Variants in EPS15 observed in about 807,000 individuals in gnomAD.
EPS15 encodes the protein epidermal growth factor receptor substrate 15.
Under a neutral mutation model 113.8 loss-of-function variants are expected in EPS15, and 72 were observed. The ratio of observed to expected loss-of-function variants is 0.63; its 90% CI spans 0.52 to 0.77. EPS15 has a LOEUF of 0.77. Ranked by LOEUF, EPS15 falls within the 30% of genes least tolerant of loss-of-function variation. The probability of loss-of-function intolerance (pLI) is 0.00; values close to 1 mark genes in which losing one functional copy is unlikely to be tolerated. For synonymous variants in EPS15, 344 were observed against 363.4 expected (o/e 0.95, Z 0.61); for missense variants, 1,048 against 1,045.8 (o/e 1.00, Z -0.03).
At chr1:51,424,702 G>C (rs368049859) in intron 12 of EPS15, among the ~76,000 whole-genome samples, 1 of 151,940 alleles carries the variant, frequency 6.6e-6, no homozygotes, top group Non-Finnish European at 1.5e-5. Context: ...TGAGGAGTTC[G>C]AGACCAGCCT....
chr1:51,476,195 T>C (rs943421026), intron 2 of EPS15, among the ~76,000 whole-genome samples: 4 of 152,236 alleles, frequency 2.6e-5, no homozygotes. Context: ...GAACCATTTT[T>C]GGTTCCATAT....
At chr1:51,387,605 A>G (rs192882137) in intron 21 of EPS15, among the ~76,000 whole-genome samples, 1 of 152,366 alleles carries the variant, frequency 6.6e-6, no homozygotes, top group East Asian at 1.9e-4. Flanking sequence ...CATAGGCTCA[A>G]AATAGAAGGA....
At chr1:51,393,570 C>T (rs6673480) in intron 21 of EPS15, among the ~76,000 whole-genome samples, 9,448 of 152,282 alleles carry the variant, frequency 0.062, 313 homozygotes, top group Non-Finnish European at 0.074. Flanking sequence ...ATTAATACAT[C>T]TGTATACTGA....
In EPS15 at chr1:51,447,123, A is replaced by C. The variant is rs1472505595; in HGVS notation, c.652-18T>G. On this transcript the variant is annotated intron_variant, in intron 9 of 24. Coordinates refer to ENST00000371733, the MANE Select transcript of EPS15 (RefSeq NM_001981.3). ...ACAACCCACTACAGGGAGGAAAAAAAACAGTATTTCTGCCAAAATGAAACA... is the reference window on the plus strand; with the variant it reads ...ACAACCCACTACAGGGAGGAAAAAACACAGTATTTCTGCCAAAATGAAACA... 1 of 1,580,400 alleles carries C rather than the reference A, an allele frequency of 6.3e-7. No homozygotes were observed. Among genetic ancestry groups the C allele is most frequent in the African/African-American group, 1.4e-5 (1 of 72,896 alleles).
At chr1:51,493,061 A>G (rs1017651912) in intron 1 of EPS15, among the ~76,000 whole-genome samples, 12 of 150,332 alleles carry the variant, frequency 8.0e-5, no homozygotes, top group African/African-American at 3.0e-4. Flanking sequence ...CCCCGTCTCT[A>G]CTAAAAATAC....
At chr1:51,449,943 C>A (rs1002210538) in intron 8 of EPS15, among the ~76,000 whole-genome samples, 1 of 151,732 alleles carries the variant, frequency 6.6e-6, no homozygotes, top group Non-Finnish European at 1.5e-5. Context: ...GTGGAAAAGG[C>A]ATAAGGGAGG....
intron 5 of EPS15, among the ~76,000 whole-genome samples, chr1:51,467,299 T>C (rs1480689312): frequency 6.6e-6 from 1 of 152,208 alleles, no homozygotes; most frequent in Non-Finnish European, 1.5e-5. Flanking sequence ...GCAAAAACTT[T>C]TGAACAGCAT....
chr1:51,467,319 T>A (rs1351227589), intron 5 of EPS15, among the ~76,000 whole-genome samples: 7 of 152,228 alleles, frequency 4.6e-5, no homozygotes, highest in African/African-American at 1.4e-4. Context: ...TTTCTACTTT[T>A]GGAAATTAAC....
At chr1:51,472,064 C>T (rs1390029402) in intron 3 of EPS15, among the ~76,000 whole-genome samples, 1 of 150,854 alleles carries the variant, frequency 6.6e-6, no homozygotes, top group Non-Finnish European at 1.5e-5. Context: ...TTATGTGTGG[C>T]CCAAGACAAT....
At chr1:51,356,932 C>T (rs1361385607) in intron 24 of EPS15, 86 bp from the exon 25 acceptor site, 12 of 1,137,308 alleles carry the variant, frequency 1.1e-5, no homozygotes, top group Middle Eastern at 4.4e-4. Flanking sequence ...TACAAAAGGA[C>T]ACCTGAAGGA....
At chr1:51,506,699 A>T (rs999622947) in intron 1 of EPS15, among the ~76,000 whole-genome samples, 6 of 151,752 alleles carry the variant, frequency 4.0e-5, no homozygotes, top group African/African-American at 1.5e-4. Context: ...TAGAGTCAAG[A>T]GAGTTAAGGT....
At chr1:51,472,993 CA>C (rs1655350171) in intron 2 of EPS15, 45 bp from the exon 3 acceptor site, 1 of 1,419,164 alleles carries the variant, frequency 7.0e-7, no homozygotes, top group Non-Finnish European at 9.9e-7. Flanking sequence ...ATACAAAAGG[CA>C]AAATTATCAC....
At chr1:51,488,472 T>TAAAAAAAAA (rs71063033) in intron 1 of EPS15, among the ~76,000 whole-genome samples, 5 of 85,294 alleles carry the variant, frequency 5.9e-5, no homozygotes, top group Non-Finnish European at 6.8e-5. Context: ...TAAAGTTTTG[T>TAAAAAAAAA]AAAAAAAAAA....
At chr1:51,403,607 A>G (rs1328591781) in intron 16 of EPS15, 75 bp from the exon 17 acceptor site, 1 of 687,286 alleles carries the variant, frequency 1.5e-6, no homozygotes, top group East Asian at 2.9e-5. Flanking sequence ...AAGATAACCA[A>G]AAACTATTTA....
chr1:51,450,027 C>A (rs72696134), intron 8 of EPS15, among the ~76,000 whole-genome samples: 3,341 of 151,864 alleles, frequency 0.022, 50 homozygotes, highest in Middle Eastern at 0.034. Flanking sequence ...ATGTCAGATG[C>A]TGCTCTTCTT....
intron 1 of EPS15, among the ~76,000 whole-genome samples, chr1:51,514,268 C>T (rs180854815): frequency 1.4e-3 from 218 of 152,304 alleles, no homozygotes; most frequent in Non-Finnish European, 2.3e-3. Flanking sequence ...CTAATGAACT[C>T]TGCCTGGAGT....
At chr1:51,473,522 A>G (rs1364335174) in intron 2 of EPS15, among the ~76,000 whole-genome samples, 1 of 152,230 alleles carries the variant, frequency 6.6e-6, no homozygotes, top group East Asian at 1.9e-4. Flanking sequence ...ATTAGGGAAC[A>G]TACCATTTTA....
chr1:51,431,430 A>G (rs1234926462), intron 12 of EPS15, among the ~76,000 whole-genome samples: 1 of 151,954 alleles, frequency 6.6e-6, no homozygotes, highest in Non-Finnish European at 1.5e-5. Context: ...TTCATTTTAC[A>G]AAGGTGAAAT....
Position 51,471,710 on chromosome 1 carries a change from T to G in EPS15, c.193A>C (p.Lys65Gln). 6.2e-7 allele frequency: 1 copy of G among 1,611,712 alleles called. No homozygotes were observed. Among genetic ancestry groups the G allele is most frequent in the Non-Finnish European group, 8.5e-7 (1 of 1,178,272 alleles). ...KIWDLADTDGKGILNKQEFFV... is the reference protein window; with the variant it reads ...KIWDLADTDGQGILNKQEFFV... ...CTTACTTGTTTGTTCAGGATACCTTTGCCATCTGTGTCGGCTAAATCCCAA... is the reference window on the plus strand; with the variant it reads ...CTTACTTGTTTGTTCAGGATACCTTGGCCATCTGTGTCGGCTAAATCCCAA... Residue 65 changes from lysine (K) to glutamine (Q), a missense_variant, in exon 4 of 25, where the codon AAA (lysine) becomes CAA (glutamine). By Grantham distance (53) the Lys-to-Gln change is moderately conservative (BLOSUM62 1). Transcript: ENST00000371733.
Sources: gnomAD v4.1 joint callset for allele counts (sites outside exome capture counted in the v4.1 genomes callset) on GRCh38, gnomAD v4.1.1 for gene constraint, MANE v1.5 for transcripts, NCBI Gene and HGNC (gene_info 2026-07-23, HGNC 2026-07-21) for gene names.